Variants in PKDCC observed in about 807,000 individuals in gnomAD.
PKDCC encodes extracellular tyrosine-protein kinase PKDCC.
Under a neutral mutation model 44.7 loss-of-function variants are expected in PKDCC, and 35 were observed. That is an observed-to-expected ratio of 0.78 (90% confidence interval 0.60 to 1.04). PKDCC has a LOEUF of 1.04. Among genes scored for constraint, PKDCC ranks in the 50% least tolerant of loss-of-function variants. PKDCC has a pLI of 0.00. For synonymous variants in PKDCC, 353 were observed against 303.3 expected, an observed-to-expected ratio of 1.16 and a Z score of -1.70; for missense variants, 738 against 672.7, an observed-to-expected ratio of 1.10 and a Z score of -1.07.
chr2:42,055,376 C>A lies in PKDCC; in HGVS notation c.1205C>A (p.Thr402Lys), dbSNP rs199534537. 3.1e-6 allele frequency: 5 copies of A among 1,613,530 alleles called. No individual in the cohort carries two copies. In the South Asian group the frequency reaches 5.5e-5, roughly 18 times the overall value. Residue 402 changes from threonine to lysine, a missense_variant, in exon 5 of 7, where the codon ACG (threonine) becomes AAG (lysine). Thr to Lys is a moderately conservative substitution (Grantham distance 78). Coordinates refer to ENST00000294964, the MANE Select transcript of PKDCC (RefSeq NM_138370.3). This position sits in a 1 kb window ranked among gnomAD's most constrained non-coding sequence, Gnocchi z 4.5. Reference protein sequence around the residue: ...YRSGQYLQNSTASSSTEYQCI... With the variant: ...YRSGQYLQNSKASSSTEYQCI... The stretch of plus-strand genomic sequence containing the variant: ...AGCGGGCAGTATCTGCAGAACTCCA[C>A]GGCAAGCAGCAGTACCGGTGAGTGG...
Position 42,055,216 on chromosome 2 carries a change from A to G in PKDCC, c.1115-70A>G. The G allele has an allele frequency of 6.9e-7, 1 of 1,453,570 alleles. No individual in the cohort carries two copies. The highest frequency in any genetic ancestry group is 1.4e-5 in the African/African-American group (1 of 72,290). 90.0% of individuals were successfully genotyped at this position (1,453,570 alleles called of 1,614,324 possible). On this transcript the variant is annotated intron_variant, in intron 4 of 6. Transcript: ENST00000294964. This position sits in a 1 kb window ranked among gnomAD's most constrained non-coding sequence, Gnocchi z 4.5. Reference sequence around the variant, plus strand: ...AGGCTCTGGAGGCAGAGGTGGGAGCAGCTGGCTGCTGACTTCAGGGAGGAG... The same window carrying G: ...AGGCTCTGGAGGCAGAGGTGGGAGCGGCTGGCTGCTGACTTCAGGGAGGAG...
At chr2:42,056,761 C>CA (rs879630679) in intron 5 of PKDCC, among the ~76,000 whole-genome samples, 153 of 122,868 alleles carry the variant, frequency 1.2e-3, no homozygotes, top group Middle Eastern at 4.1e-3. Flanking sequence ...GAGACCCCAT[C>CA]AAAAAAAAAA....
In PKDCC at chr2:42,055,091, A is replaced by C; in HGVS notation, c.1114+71A>C. 6.6e-7 allele frequency: 1 copy of C among 1,508,212 alleles called. No homozygotes were observed. The highest frequency in any genetic ancestry group is 9.2e-7 in the Non-Finnish European group (1 of 1,086,052). The allele number at this position is 1,508,212 out of a possible 1,614,324, so 93.4% of individuals were successfully genotyped here. On this transcript the variant is annotated intron_variant, in intron 4 of 6. Coordinates refer to ENST00000294964, the MANE Select transcript of PKDCC (RefSeq NM_138370.3). The surrounding 1 kb of genome is among the most constrained non-coding windows in gnomAD (Gnocchi z 4.5). ...CCACCCGCCAGCAAAAGTGGGGAGA[A>C]AAATAACCCAGGGCAGCAGGGGTTC...
Position 42,052,594 on chromosome 2 carries a change from C to T in PKDCC, c.640-645C>T, listed in dbSNP as rs1214993202. 6.6e-6 allele frequency among the ~76,000 whole-genome samples: 1 copy of T among 151,924 alleles called. No individual in the cohort carries two copies. The highest frequency in any genetic ancestry group is 1.5e-5 in the Non-Finnish European group (1 of 67,956). Reference sequence around the variant, plus strand: ...TGAAACCCTGTTTCTACTAAAAAGACAAAAATTAGCTGGGCATAGTGGCAA... The same window carrying T: ...TGAAACCCTGTTTCTACTAAAAAGATAAAAATTAGCTGGGCATAGTGGCAA... On this transcript the variant is annotated intron_variant, in intron 1 of 6. Transcript: ENST00000294964. The surrounding 1 kb of genome is among the most constrained non-coding windows in gnomAD (Gnocchi z 4.3).
rs1351335201 is a variant in PKDCC, at chr2:42,057,485, G to C, written c.1396+91G>C. Reference sequence around the variant, plus strand: ...GATCCCCCATCGGAAGTCAGAGGGGGTGCTGAGGTGATGAGAGAGAGGTAT... The same window carrying C: ...GATCCCCCATCGGAAGTCAGAGGGGCTGCTGAGGTGATGAGAGAGAGGTAT... On this transcript the variant is annotated intron_variant, in intron 6 of 6. Coordinates refer to ENST00000294964, the MANE Select transcript of PKDCC (RefSeq NM_138370.3). The C allele has an allele frequency of 4.5e-6, 7 of 1,572,020 alleles. No individual in the cohort carries two copies. In the Admixed American group the frequency reaches 6.9e-5, roughly 16 times the overall value.
In PKDCC at chr2:42,050,462, T is replaced by C. The variant is rs189914573; in HGVS notation, c.639+1624T>C. Among the ~76,000 whole-genome samples, 41 of 152,284 alleles carry C rather than the reference T, an allele frequency of 2.7e-4. No homozygotes were observed. The East Asian group carries it at 6.2e-3, about 23-fold the overall frequency. On this transcript the variant is annotated intron_variant, in intron 1 of 6. Coordinates refer to ENST00000294964, the MANE Select transcript of PKDCC (RefSeq NM_138370.3). ...GTTTGATGTTTGATGTGCTTTCCTATCTTTTAAGAAACTTGTCCCTCACTC... is the reference window on the plus strand; with the variant it reads ...GTTTGATGTTTGATGTGCTTTCCTACCTTTTAAGAAACTTGTCCCTCACTC...
intron 1 of PKDCC, among the ~76,000 whole-genome samples, chr2:42,049,256 G>C (rs530805154): frequency 6.6e-5 from 10 of 152,272 alleles, no homozygotes; most frequent in Admixed American, 2.0e-4. Flanking sequence ...CTTCTTGATG[G>C]AACTTCTCCC....
intron 1 of PKDCC, 44 bp from the exon 2 acceptor site, chr2:42,053,195 A>ACCCC: frequency 1.7e-5 from 12 of 724,796 alleles, no homozygotes; most frequent in Non-Finnish European, 2.0e-5. Flanking sequence ...CCCTGTCCCC[A>ACCCC]CCCCCACCCT....
chr2:42,049,265 C>G (rs7569033), intron 1 of PKDCC, among the ~76,000 whole-genome samples: 1 of 152,054 alleles, frequency 6.6e-6, no homozygotes, highest in African/African-American at 2.4e-5. Context: ...GGAACTTCTC[C>G]CAACTTCCAG....
rs562334830 is a variant in PKDCC, at chr2:42,058,011, T to C, written c.*323T>C. On this transcript the variant is annotated 3_prime_UTR_variant, in exon 7 of 7. Transcript: ENST00000294964. This position sits in a 1 kb window ranked among gnomAD's most constrained non-coding sequence, Gnocchi z 4.2. ...TGTGCCCCTCCCTGGGACGGTTCCG[T>C]GGGCAGCCCCATCACTGTGTTCAAT... is the stretch of plus-strand genomic sequence containing the variant. 1.8e-5 allele frequency: 7 copies of C among 381,728 alleles called. No homozygotes were observed. In the South Asian group the frequency reaches 2.4e-4, roughly 13 times the overall value. The allele number at this position is 381,728 out of a possible 1,614,324, so 23.6% of individuals were successfully genotyped here.
intron 2 of PKDCC, among the ~76,000 whole-genome samples, 183 bp from the exon 3 acceptor site, chr2:42,053,853 G>A (rs976366223): frequency 1.3e-5 from 2 of 152,154 alleles, no homozygotes; most frequent in Non-Finnish European, 2.9e-5. Context: ...AGAGTTAATA[G>A]AAAATCACTG....
At position 42,055,053 on chromosome 2, in the gene PKDCC, A is replaced by C. The variant is rs745400189; in HGVS notation, c.1114+33A>C. On this transcript the variant is annotated intron_variant, in intron 4 of 6. Coordinates refer to ENST00000294964, the MANE Select transcript of PKDCC (RefSeq NM_138370.3). This position sits in a 1 kb window ranked among gnomAD's most constrained non-coding sequence, Gnocchi z 4.5. ...CTCCAGGGCCCATCTGCTTCCAGGCACCTACCCCACCCCCACCCGCCAGCA... is the reference window on the plus strand; with the variant it reads ...CTCCAGGGCCCATCTGCTTCCAGGCCCCTACCCCACCCCCACCCGCCAGCA... The C allele has an allele frequency of 5.0e-6, 8 of 1,589,114 alleles. No homozygotes were observed. The highest frequency in any genetic ancestry group is 6.0e-6 in the Non-Finnish European group (7 of 1,157,970).
At position 42,054,548 on chromosome 2, in the gene PKDCC, T is replaced by C. The variant is rs1228562461; in HGVS notation, c.1034+241T>C. 1 of 577,946 alleles carries C rather than the reference T, an allele frequency of 1.7e-6. No individual in the cohort carries two copies. Among genetic ancestry groups the C allele is most frequent in the Non-Finnish European group, 3.0e-6 (1 of 329,960 alleles). 35.8% of individuals were successfully genotyped at this position (577,946 alleles called of 1,614,324 possible). ...CAGCTGGAGGCTTCTTAAAATAGTG[T>C]TGGACTCGGAGCCTAGGGCTGGTGG... is the stretch of plus-strand genomic sequence containing the variant. On this transcript the variant is annotated intron_variant, in intron 3 of 6. Coordinates refer to ENST00000294964, the MANE Select transcript of PKDCC (RefSeq NM_138370.3). This position sits in a 1 kb window ranked among gnomAD's most constrained non-coding sequence, Gnocchi z 6.1.
Position 42,058,394 on chromosome 2 carries a change from A to T in PKDCC, c.*706A>T, listed in dbSNP as rs1558434056. On this transcript the variant is annotated 3_prime_UTR_variant, in exon 7 of 7. Transcript: ENST00000294964. The surrounding 1 kb of genome is among the most constrained non-coding windows in gnomAD (Gnocchi z 4.2). Reference sequence around the variant, plus strand: ...CAATGAAAGCCTCAAAGCAGCCAAAACCAGGCTTTCCCCCTTCCTCGAGTT... The same window carrying T: ...CAATGAAAGCCTCAAAGCAGCCAAATCCAGGCTTTCCCCCTTCCTCGAGTT... 6.6e-6 allele frequency: 1 copy of T among 152,490 alleles called. No homozygotes were observed. The highest frequency in any genetic ancestry group is 1.5e-5 in the Non-Finnish European group (1 of 68,002). The allele number at this position is 152,490 out of a possible 1,614,324, so 9.4% of individuals were successfully genotyped here.
In PKDCC at chr2:42,049,088, A is replaced by C. The variant is rs1158659107; in HGVS notation, c.639+250A>C. ...ATCTCTTAAAGACAGGCCAGGACAG[A>C]GGCTCCCAAAACTCAGGGGGTGGGG... On this transcript the variant is annotated intron_variant, in intron 1 of 6. Transcript: ENST00000294964. Among the ~76,000 whole-genome samples, 3 of 152,108 alleles carry C rather than the reference A, an allele frequency of 2.0e-5. No homozygotes were observed. In the South Asian group the frequency reaches 6.2e-4, roughly 32 times the overall value.
At position 42,054,279 on chromosome 2, in the gene PKDCC, G is replaced by A. The variant is rs780344962; in HGVS notation, c.1006G>A (p.Glu336Lys). ...SAQGWCEGMNEKRNLYNAYRF... is the reference protein window; with the variant it reads ...SAQGWCEGMNKKRNLYNAYRF... ...CCAGGGCTGGTGCGAGGGCATGAAC[G>A]AGAAGCGGAACCTCTATAATGCCTA... is the stretch of plus-strand genomic sequence containing the variant. The change falls in exon 3 of 7, where the codon GAG becomes AAG. Residue 336 changes from glutamate (E) to lysine (K), a missense_variant. Transcript: ENST00000294964. The surrounding 1 kb of genome is among the most constrained non-coding windows in gnomAD (Gnocchi z 6.1). 10 of 1,605,510 alleles carry A rather than the reference G, an allele frequency of 6.2e-6. No homozygotes were observed. Among genetic ancestry groups the A allele is most frequent in the South Asian group, 4.5e-5 (4 of 89,704 alleles).
chr2:42,051,326 A>G lies in PKDCC; in HGVS notation c.640-1913A>G, dbSNP rs367932180. ...GGCACAAGGGTCTCCCCTCCCCTCA[A>G]CCTCTCCCCACCTCCCCCTCCCCCA... On this transcript the variant is annotated intron_variant, in intron 1 of 6. Coordinates refer to ENST00000294964, the MANE Select transcript of PKDCC (RefSeq NM_138370.3). This position sits in a 1 kb window ranked among gnomAD's most constrained non-coding sequence, Gnocchi z 4.2. 2.0e-5 allele frequency among the ~76,000 whole-genome samples: 3 copies of G among 146,676 alleles called. No homozygotes were observed. Among genetic ancestry groups the G allele is most frequent in the African/African-American group, 7.6e-5 (3 of 39,386 alleles).
At chr2:42,049,893 A>G (rs180862844) in intron 1 of PKDCC, among the ~76,000 whole-genome samples, 2 of 152,222 alleles carry the variant, frequency 1.3e-5, no homozygotes, top group African/African-American at 2.4e-5. Flanking sequence ...TCCCCAACGG[A>G]TGAAATCTTG....
Position 42,054,571 on chromosome 2 carries a change from T to C in PKDCC, c.1034+264T>C. On this transcript the variant is annotated intron_variant, in intron 3 of 6. Coordinates refer to ENST00000294964, the MANE Select transcript of PKDCC (RefSeq NM_138370.3). The surrounding 1 kb of genome is among the most constrained non-coding windows in gnomAD (Gnocchi z 6.1). ...TGTTGGACTCGGAGCCTAGGGCTGG[T>C]GGAACTGGCACTTTTCCCTTCCCAC... The C allele has an allele frequency of 1.8e-6, 1 of 555,060 alleles. No homozygotes were observed. Among genetic ancestry groups the C allele is most frequent in the Admixed American group, 3.3e-5 (1 of 30,694 alleles). The allele number at this position is 555,060 out of a possible 1,614,324, so 34.4% of individuals were successfully genotyped here. A position where few individuals can be genotyped will look rare whatever the true frequency, so the allele number is the denominator to read the frequency against.
Sources: gnomAD v4.1 joint callset for allele counts (sites outside exome capture counted in the v4.1 genomes callset) on GRCh38, gnomAD v4.1.1 for gene constraint, Gnocchi (gnomAD v3.1) non-coding constraint, MANE v1.5 for transcripts, NCBI Gene and HGNC (gene_info 2026-07-23, HGNC 2026-07-21) for gene names.